The following USH2A variants were observed in gnomAD, a reference collection of about 807,000 sequenced individuals.
USH2A encodes the protein usherin.
USH2A carries 443 observed loss-of-function variants against 538.9 expected under a neutral mutation model. The observed-to-expected ratio is 0.82, with a 90% confidence interval of 0.76 to 0.89. USH2A has a LOEUF of 0.89. Among genes scored for constraint, USH2A ranks in the 40% least tolerant of loss-of-function variants. USH2A has a pLI of 0.00. For synonymous variants in USH2A, 2,413 were observed against 2,273.5 expected, an observed-to-expected ratio of 1.06 and a Z score of -1.75; for missense variants, 6,633 against 6,324.8, an observed-to-expected ratio of 1.05 and a Z score of -1.65.
intron 37 of USH2A, among the ~76,000 whole-genome samples, chr1:215,951,883 A>G (rs972344184): frequency 1.3e-5 from 2 of 149,340 alleles, no homozygotes; most frequent in Non-Finnish European, 3.0e-5. Context: ...TTTGAGACGG[A>G]GTCTTGCTCT....
intron 3 of USH2A, among the ~76,000 whole-genome samples, chr1:216,404,023 GT>G (rs1282889453): frequency 1.3e-5 from 2 of 152,124 alleles, no homozygotes; most frequent in African/African-American, 4.8e-5. Flanking sequence ...CCCCAGCCAT[GT>G]GAAACCAAGT....
intron 35 of USH2A, among the ~76,000 whole-genome samples, chr1:215,985,774 G>C (rs1667856077): frequency 6.6e-6 from 1 of 152,092 alleles, no homozygotes; most frequent in Non-Finnish European, 1.5e-5. Flanking sequence ...AACATGTATA[G>C]AGTGTGTATA....
chr1:216,303,593 CTTTCT>C (rs904966844), intron 9 of USH2A, among the ~76,000 whole-genome samples: 1 of 151,618 alleles, frequency 6.6e-6, no homozygotes, highest in Non-Finnish European at 1.5e-5. Context: ...TTAAAAAACC[CTTTCT>C]TAAGTATTGC....
chr1:216,139,721 G>C (rs1259321157), intron 21 of USH2A, among the ~76,000 whole-genome samples: 1 of 152,098 alleles, frequency 6.6e-6, no homozygotes, highest in Non-Finnish European at 1.5e-5. Context: ...TACTTTTCCT[G>C]AGTTCTAATT....
At chr1:216,278,397 T>C (rs1219409694) in intron 11 of USH2A, among the ~76,000 whole-genome samples, 1 of 152,182 alleles carries the variant, frequency 6.6e-6, no homozygotes, top group Admixed American at 6.6e-5. Context: ...CTAAGATTAA[T>C]TTTTCCCTTC....
At chr1:215,983,412 T>A (rs1667798371) in intron 35 of USH2A, among the ~76,000 whole-genome samples, 1 of 152,208 alleles carries the variant, frequency 6.6e-6, no homozygotes, top group South Asian at 2.1e-4. Context: ...TGATTATTAT[T>A]TGAAAAATTA....
intron 38 of USH2A, among the ~76,000 whole-genome samples, chr1:215,926,550 T>C (rs1666241766): frequency 1.3e-5 from 2 of 151,324 alleles, no homozygotes; most frequent in South Asian, 4.2e-4. Flanking sequence ...TGAGGGTGGA[T>C]CATTCTGCCA....
chr1:215,951,129 C>T (rs1257197941), intron 37 of USH2A, among the ~76,000 whole-genome samples: 1 of 152,062 alleles, frequency 6.6e-6, no homozygotes, highest in Non-Finnish European at 1.5e-5. Context: ...TTCTCTAGTT[C>T]TTTTAATTGT....
chr1:215,954,797 A>C (rs1342869697), intron 37 of USH2A, among the ~76,000 whole-genome samples: 1 of 152,038 alleles, frequency 6.6e-6, no homozygotes, highest in Non-Finnish European at 1.5e-5. Flanking sequence ...AAAGTCCTTA[A>C]AACAGTCTGC....
chr1:216,258,103 A>C (rs1167285578), intron 11 of USH2A, among the ~76,000 whole-genome samples: 1 of 152,042 alleles, frequency 6.6e-6, no homozygotes, highest in Non-Finnish European at 1.5e-5. Flanking sequence ...ATTTGGTGCC[A>C]GAGACTGTGA....
At chr1:216,046,628 T>C in intron 31 of USH2A, 36 bp from the exon 32 acceptor site, 1 of 1,612,326 alleles carries the variant, frequency 6.2e-7, no homozygotes, top group Non-Finnish European at 8.5e-7. Context: ...CTAATTTTAG[T>C]TTACTTTTCT....
At chr1:216,210,117 C>G (rs2102485336) in intron 15 of USH2A, among the ~76,000 whole-genome samples, 1 of 152,222 alleles carries the variant, frequency 6.6e-6, no homozygotes, top group Non-Finnish European at 1.5e-5. Context: ...AATAGGCAGC[C>G]TTGCAGGGTT....
intron 47 of USH2A, among the ~76,000 whole-genome samples, chr1:215,822,031 G>A (rs909497001): frequency 2.0e-5 from 3 of 151,526 alleles, no homozygotes; most frequent in Non-Finnish European, 4.4e-5. Flanking sequence ...TTAGGTTTGT[G>A]CTATATTTTG....
intron 69 of USH2A, among the ~76,000 whole-genome samples, chr1:215,635,243 T>C (rs1251335613): frequency 2.0e-5 from 3 of 152,188 alleles, no homozygotes; most frequent in Non-Finnish European, 2.9e-5. Flanking sequence ...ATTATGATAT[T>C]AACAGCCTGT....
chr1:215,908,900 T>TAAGTGA (rs1213436369), intron 38 of USH2A, among the ~76,000 whole-genome samples: 2 of 151,260 alleles, frequency 1.3e-5, no homozygotes, highest in African/African-American at 4.8e-5. Context: ...GAATTTATAC[T>TAAGTGA]ACCATCACTA....
intron 11 of USH2A, among the ~76,000 whole-genome samples, chr1:216,266,317 T>G (rs1380185437): frequency 6.6e-6 from 1 of 152,016 alleles, no homozygotes; most frequent in Non-Finnish European, 1.5e-5. Context: ...AACAAAAATT[T>G]CCAGAGACCA....
chr1:215,839,477 T>C (rs1053513826), intron 46 of USH2A, among the ~76,000 whole-genome samples: 9 of 152,218 alleles, frequency 5.9e-5, no homozygotes, highest in Admixed American at 5.9e-4. Context: ...TGTTCTCCAC[T>C]GTACCCTACT....
At chr1:216,020,989 C>T (rs1056608200) in intron 32 of USH2A, among the ~76,000 whole-genome samples, 1 of 152,050 alleles carries the variant, frequency 6.6e-6, no homozygotes, top group Non-Finnish European at 1.5e-5. Context: ...AAAGTGGGGA[C>T]TCAATACTTG....
chr1:216,212,767 A>G (rs2035268839), intron 15 of USH2A, among the ~76,000 whole-genome samples: 1 of 151,940 alleles, frequency 6.6e-6, no homozygotes, highest in Non-Finnish European at 1.5e-5. Context: ...ATTGTTCAAT[A>G]AATATCACCT....
Sources: gnomAD v4.1 joint callset for allele counts (sites outside exome capture counted in the v4.1 genomes callset) on GRCh38, gnomAD v4.1.1 for gene constraint, MANE v1.5 for transcripts, NCBI Gene and HGNC (gene_info 2026-07-23, HGNC 2026-07-21) for gene names.